Variants in LRRC9 observed in about 807,000 individuals in gnomAD.
The protein encoded by LRRC9 is leucine rich repeat containing 9.
A neutral mutation model predicts 63.2 loss-of-function variants in LRRC9; 122 were observed. That is an observed-to-expected ratio of 1.93 (90% confidence interval 1.67 to 2.24). The LOEUF (loss-of-function observed/expected upper bound fraction) is 2.24. Ranked by LOEUF, LRRC9 falls within the 30% of genes most tolerant of loss-of-function variation. LRRC9 has a pLI of 0.00. For synonymous variants in LRRC9, 366 were observed against 213.1 expected, an observed-to-expected ratio of 1.72 and a Z score of -6.25; for missense variants, 1,071 against 627.7, an observed-to-expected ratio of 1.71 and a Z score of -7.55.
intron 8 of LRRC9, among the ~76,000 whole-genome samples, chr14:59,957,889 C>T (rs1163169552): frequency 6.6e-6 from 1 of 152,182 alleles, no homozygotes; most frequent in African/African-American, 2.4e-5. Flanking sequence ...GGCCCCTCTT[C>T]TGCAGGTCTG....
chr14:59,979,145 G>A (rs1322355983), intron 15 of LRRC9, among the ~76,000 whole-genome samples: 1 of 152,094 alleles, frequency 6.6e-6, no homozygotes, highest in African/African-American at 2.4e-5. Context: ...GGTGGCTCAT[G>A]CCTGCAATCC....
intron 6 of LRRC9, among the ~76,000 whole-genome samples, chr14:59,937,768 T>A (rs1467267198): frequency 5.9e-5 from 9 of 152,186 alleles, no homozygotes; most frequent in Non-Finnish European, 1.3e-4. Flanking sequence ...AACATTGGAC[T>A]GAGAGTGCAT....
In LRRC9 at chr14:60,011,883, A is replaced by C. The variant is rs115114578; in HGVS notation, c.3186+3669A>C. Among the ~76,000 whole-genome samples the C allele has an allele frequency of 9.7e-3, 1,475 of 152,356 alleles. 38 individuals are homozygous for C. The highest frequency in any genetic ancestry group is 0.034 in the African/African-American group (1,403 of 41,570). ...CATTAGTTTTATATGACAGAAGATC[A>C]TCTGACTGGAGATGTCAAGCAGGCA... On this transcript the variant is annotated intron_variant, in intron 23 of 31. Coordinates refer to ENST00000445360, the Ensembl canonical transcript of LRRC9.
intron 12 of LRRC9, among the ~76,000 whole-genome samples, chr14:59,968,920 T>C (rs542932513): frequency 1.4e-4 from 22 of 152,210 alleles, no homozygotes; most frequent in Non-Finnish European, 3.1e-4. Context: ...CTAGTCCAAA[T>C]TGAGTATGCT....
intron 30 of LRRC9, among the ~76,000 whole-genome samples, chr14:60,054,283 T>C (rs949393586): frequency 2.0e-5 from 3 of 152,168 alleles, no homozygotes; most frequent in African/African-American, 7.2e-5. Flanking sequence ...TCAGTTCTTG[T>C]TATTTTAAAT....
chr14:60,002,065 C>A (rs1294650997), exon 20 of LRRC9: 1 of 701,806 alleles, frequency 1.4e-6, no homozygotes, highest in Non-Finnish European at 2.6e-6. Context: ...AAAGTTAGGA[C>A]CTCATTTACA....
intron 23 of LRRC9, among the ~76,000 whole-genome samples, chr14:60,015,566 C>G (rs552653105): frequency 6.6e-6 from 1 of 152,072 alleles, no homozygotes; most frequent in Non-Finnish European, 1.5e-5. Context: ...TTCATGCTCC[C>G]CACCAGGCCT....
chr14:60,016,932 T>C, intron 24 of LRRC9, 142 bp downstream of exon 24: 1 of 464,228 alleles, frequency 2.2e-6, no homozygotes, highest in Non-Finnish European at 3.9e-6. Flanking sequence ...AAAAGATTCA[T>C]GCTAAGTAAT....
At position 60,042,567 on chromosome 14, in the gene LRRC9, T is replaced by A. The variant is rs1893048718; in HGVS notation, c.3991-10498T>A. ...TCCAAGCCATGCGCGGGATATAATC[T>A]CCTGTTGTGCCGTTTGCTAAGACCA... On this transcript the variant is annotated intron_variant, in intron 29 of 31. Transcript: ENST00000445360. This position sits in a 1 kb window ranked among gnomAD's most constrained non-coding sequence, Gnocchi z 4.2. Among the ~76,000 whole-genome samples, 1 of 152,178 alleles carries A rather than the reference T, an allele frequency of 6.6e-6. No homozygotes were observed. Among genetic ancestry groups the A allele is most frequent in the Non-Finnish European group, 1.5e-5 (1 of 68,014 alleles).
At chr14:59,933,204 G>A (rs1015082310) in intron 6 of LRRC9, among the ~76,000 whole-genome samples, 23 of 152,010 alleles carry the variant, frequency 1.5e-4, no homozygotes, top group Non-Finnish European at 2.9e-4. Flanking sequence ...TAGGAAAACC[G>A]TCACAACCTC....
chr14:59,998,306 A>T (rs927871022), intron 18 of LRRC9, among the ~76,000 whole-genome samples: 3 of 152,028 alleles, frequency 2.0e-5, no homozygotes, highest in African/African-American at 7.2e-5. Flanking sequence ...TGCATTTTGC[A>T]TTATTCACTA....
rs149634137 is a variant in LRRC9, at chr14:59,921,186, T to TC, written c.-34+1305dup. On this transcript the variant is annotated intron_variant, in intron 1 of 31. Coordinates refer to ENST00000445360, the Ensembl canonical transcript of LRRC9. The stretch of plus-strand genomic sequence containing the variant: ...CAGCCCATGCCAAAGTACAGAAACA[T>TC]CCATTCAGTTCCAGAGAACTATAGT... Among the ~76,000 whole-genome samples, 591 of 152,230 alleles carry TC rather than the reference T, an allele frequency of 3.9e-3. 20 individuals carry two copies. In the East Asian group the frequency reaches 0.058, roughly 15 times the overall value.
At chr14:59,933,849 T>C (rs1051012736) in intron 6 of LRRC9, among the ~76,000 whole-genome samples, 5 of 152,158 alleles carry the variant, frequency 3.3e-5, no homozygotes, top group Non-Finnish European at 7.3e-5. Context: ...TATATTTGAA[T>C]AACACCAGCA....
downstream of LRRC9, among the ~76,000 whole-genome samples, chr14:60,065,480 C>T (rs1042197515): frequency 2.0e-5 from 3 of 149,946 alleles, no homozygotes; most frequent in Non-Finnish European, 4.4e-5. Flanking sequence ...AAGCCCCATC[C>T]CTACTAAAAA....
Position 60,051,238 on chromosome 14 carries a change from A to G in LRRC9, c.3991-1827A>G, listed in dbSNP as rs998764681. The stretch of plus-strand genomic sequence containing the variant: ...CCTCTCCCCACAGGAGTTCCATCCC[A>G]GGGAGAGATCAGGGTTCAGTGCATA... On this transcript the variant is annotated intron_variant, in intron 29 of 31. Transcript: ENST00000445360. This position sits in a 1 kb window ranked among gnomAD's most constrained non-coding sequence, Gnocchi z 4.7. Among the ~76,000 whole-genome samples the G allele has an allele frequency of 6.6e-6, 1 of 152,214 alleles. No individual in the cohort carries two copies. The highest frequency in any genetic ancestry group is 2.4e-5 in the African/African-American group (1 of 41,460).
chr14:60,001,794 TG>T (rs1226054878), intron 19 of LRRC9, among the ~76,000 whole-genome samples, 171 bp from the exon 20 acceptor site: 1 of 152,162 alleles, frequency 6.6e-6, no homozygotes, highest in Non-Finnish European at 1.5e-5. Context: ...CAAGAAACAA[TG>T]TAATTAAAAT....
At chr14:60,036,267 TCA>T (rs2140350379) in intron 29 of LRRC9, among the ~76,000 whole-genome samples, 2 of 152,294 alleles carry the variant, frequency 1.3e-5, no homozygotes, top group South Asian at 4.1e-4. Flanking sequence ...ACATCAGCAT[TCA>T]GTCCATAGCA....
At chr14:59,977,972 T>G (rs1323871038) in intron 14 of LRRC9, 45 bp from the exon 15 acceptor site, 1 of 671,464 alleles carries the variant, frequency 1.5e-6, no homozygotes, top group East Asian at 2.7e-5. Context: ...TATGTTTCAA[T>G]TTGAGAAAAT....
rs144206345 is a variant in LRRC9, at chr14:59,991,457, C to T, written c.2212-6199C>T. On this transcript the variant is annotated intron_variant, in intron 17 of 31. Transcript: ENST00000445360. ...CTGGGTTCATCTCACTGGGGAGTGT[C>T]GGAAAGTGGGTGCAGAACAGTGGGT... is the stretch of plus-strand genomic sequence containing the variant. 6.8e-4 allele frequency among the ~76,000 whole-genome samples: 103 copies of T among 152,136 alleles called. 4 individuals are homozygous for T. The Middle Eastern group carries it at 0.02, about 30-fold the overall frequency.
Sources: allele counts gnomAD v4.1 joint callset (sites outside exome capture counted in the v4.1 genomes callset), GRCh38; gene constraint gnomAD v4.1.1; non-coding constraint Gnocchi (gnomAD v3.1); transcripts MANE v1.5; gene names NCBI Gene and HGNC (gene_info 2026-07-23, HGNC 2026-07-21).